Variants in KAZN observed in about 807,000 individuals in gnomAD.
KAZN encodes the protein kazrin.
In KAZN, 40 loss-of-function variants were observed where a neutral mutation model predicts 87.4. The ratio of observed to expected loss-of-function variants is 0.46; its 90% CI spans 0.36 to 0.60. The LOEUF (loss-of-function observed/expected upper bound fraction) is 0.60, where lower values mean the gene tolerates loss of function less well. KAZN is among the 20% of genes least tolerant of loss of function. The pLI is 0.00. For synonymous variants in KAZN, 466 were observed against 458.3 expected (o/e 1.02, Z -0.22); for missense variants, 898 against 1,073.9 (o/e 0.84, Z 2.29).
chr1:14,097,339 A>C (rs1644151164), intron 1 of KAZN, among the ~76,000 whole-genome samples: 1 of 152,224 alleles, frequency 6.6e-6, no homozygotes, highest in African/African-American at 2.4e-5. Flanking sequence ...TGCTCCCTGT[A>C]GCCTAAAGCA....
intron 1 of KAZN, among the ~76,000 whole-genome samples, chr1:14,619,254 G>A (rs1159255062): frequency 1.3e-5 from 2 of 151,846 alleles, no homozygotes; most frequent in Non-Finnish European, 2.9e-5. Flanking sequence ...CTCAAGTGCA[G>A]TGATGCAATC....
chr1:14,761,775 C>T (rs1188680402), intron 1 of KAZN, among the ~76,000 whole-genome samples: 1 of 152,130 alleles, frequency 6.6e-6, no homozygotes, highest in Non-Finnish European at 1.5e-5. Flanking sequence ...GACTGCAGAC[C>T]TCCATTTTCA....
intron 1 of KAZN, among the ~76,000 whole-genome samples, chr1:14,080,206 T>C (rs572284942): frequency 9.6e-6 from 1 of 104,078 alleles, no homozygotes; most frequent in Admixed American, 9.6e-5. Flanking sequence ...ATCTCATATG[T>C]TCATTGGAAA....
In KAZN at chr1:14,856,092, G is replaced by C. The variant is rs1028895348; in HGVS notation, c.227-104592G>C. Among the ~76,000 whole-genome samples the C allele has an allele frequency of 1.3e-5, 2 of 152,166 alleles. No individual in the cohort carries two copies. The highest frequency in any genetic ancestry group is 3.8e-4 in the East Asian group (2 of 5,200). Reference sequence around the variant, plus strand: ...AATAACGTGATTTACATCCTTGGGGGTTTGGGTTTAAGTTACGTAGTAGTT... The same window carrying C: ...AATAACGTGATTTACATCCTTGGGGCTTTGGGTTTAAGTTACGTAGTAGTT... On this transcript the variant is annotated intron_variant, in intron 1 of 14. Coordinates refer to ENST00000376030, the MANE Select transcript of KAZN (RefSeq NM_201628.3). The surrounding 1 kb of genome is among the most constrained non-coding windows in gnomAD (Gnocchi z 5.2).
intron 2 of KAZN, among the ~76,000 whole-genome samples, chr1:14,419,296 G>T (rs575401798): frequency 6.6e-6 from 1 of 151,840 alleles, no homozygotes; most frequent in African/African-American, 2.4e-5. Flanking sequence ...AAGCGCAAAA[G>T]AAAGAAAGGC....
At chr1:14,609,070 A>G (rs1038236506) in intron 1 of KAZN, among the ~76,000 whole-genome samples, 3 of 152,222 alleles carry the variant, frequency 2.0e-5, no homozygotes, top group Non-Finnish European at 4.4e-5. Context: ...AGAGCGTGAC[A>G]AATGACACTT....
intron 2 of KAZN, among the ~76,000 whole-genome samples, chr1:14,559,997 G>A (rs1674157122): frequency 2.0e-5 from 3 of 152,176 alleles, no homozygotes; most frequent in Admixed American, 2.0e-4. Flanking sequence ...CATAATGCCT[G>A]ACTTATTCAG....
chr1:14,877,551 G>GGGTCCTT (rs1471348289), intron 1 of KAZN, among the ~76,000 whole-genome samples: 1 of 152,186 alleles, frequency 6.6e-6, no homozygotes, highest in Non-Finnish European at 1.5e-5. Context: ...ACACAACACA[G>GGGTCCTT]GGTCACCACA....
At chr1:14,078,747 C>T (rs1298267311) in intron 1 of KAZN, among the ~76,000 whole-genome samples, 4 of 152,054 alleles carry the variant, frequency 2.6e-5, no homozygotes, top group South Asian at 2.1e-4. Context: ...TGCAGTGGTG[C>T]GATCTCAGCT....
intron 2 of KAZN, among the ~76,000 whole-genome samples, chr1:14,418,155 T>A (rs1055370788): frequency 3.3e-5 from 5 of 151,812 alleles, no homozygotes; most frequent in African/African-American, 1.2e-4. Context: ...GAGGCAAGAA[T>A]TTCTAAGAAT....
chr1:14,382,688 T>A (rs1332092497), intron 2 of KAZN, among the ~76,000 whole-genome samples: 49 of 147,502 alleles, frequency 3.3e-4, no homozygotes, highest in Middle Eastern at 3.4e-3. Flanking sequence ...ATGGTGTATA[T>A]GTGCCACATT....
intron 1 of KAZN, among the ~76,000 whole-genome samples, chr1:14,165,992 C>T (rs754339833): frequency 1.4e-4 from 21 of 151,990 alleles, no homozygotes; most frequent in South Asian, 2.1e-4. Context: ...ACGGAATATG[C>T]GTAAGGCCGG....
chr1:14,700,427 C>T (rs1037210113), intron 1 of KAZN, among the ~76,000 whole-genome samples: 14 of 151,600 alleles, frequency 9.2e-5, no homozygotes, highest in South Asian at 4.2e-4. Context: ...GCCGAGATCA[C>T]GCCACTGCAC....
intron 1 of KAZN, among the ~76,000 whole-genome samples, chr1:14,929,486 G>A (rs749205206): frequency 6.6e-6 from 1 of 152,166 alleles, no homozygotes; most frequent in Non-Finnish European, 1.5e-5. Context: ...ATCATCTCAA[G>A]AGGAAAATAG....
At chr1:14,964,972 T>C (rs1427389088) in intron 2 of KAZN, among the ~76,000 whole-genome samples, 1 of 152,186 alleles carries the variant, frequency 6.6e-6, no homozygotes, top group Non-Finnish European at 1.5e-5. Flanking sequence ...TGAATTTTGG[T>C]CTCATCATGA....
chr1:14,263,891 G>T (rs949289835), intron 2 of KAZN, among the ~76,000 whole-genome samples: 2 of 152,226 alleles, frequency 1.3e-5, no homozygotes, highest in Non-Finnish European at 2.9e-5. Context: ...CTGCCAGGGG[G>T]ATAGTCAGCC....
intron 2 of KAZN, among the ~76,000 whole-genome samples, chr1:14,545,142 G>C (rs1041117541): frequency 6.6e-6 from 1 of 152,220 alleles, no homozygotes; most frequent in Non-Finnish European, 1.5e-5. Context: ...CTTCAAAGCT[G>C]CTCCCTAGAA....
intron 1 of KAZN, among the ~76,000 whole-genome samples, chr1:14,134,155 A>C (rs2101744283): frequency 6.6e-6 from 1 of 152,320 alleles, no homozygotes; most frequent in African/African-American, 2.4e-5. Flanking sequence ...CTGCATGCCT[A>C]GATTCTGCTT....
chr1:14,654,635 T>C (rs1251370577), intron 1 of KAZN, among the ~76,000 whole-genome samples: 1 of 152,222 alleles, frequency 6.6e-6, no homozygotes, highest in Non-Finnish European at 1.5e-5. Context: ...CACCCCAGGA[T>C]GGGCATCCAC....
Sources: allele counts gnomAD v4.1 joint callset (sites outside exome capture counted in the v4.1 genomes callset), GRCh38; gene constraint gnomAD v4.1.1; non-coding constraint Gnocchi (gnomAD v3.1); transcripts MANE v1.5; gene names NCBI Gene and HGNC (gene_info 2026-07-23, HGNC 2026-07-21).